Variants in METTL15 observed in about 807,000 individuals in gnomAD.
The protein encoded by METTL15 is methyltransferase 15, mitochondrial 12S rRNA N4-cytidine.
Under a neutral mutation model 38.3 loss-of-function variants are expected in METTL15, and 34 were observed. The observed-to-expected ratio is 0.89, with a 90% CI of 0.68 to 1.18. The LOEUF is 1.18. Among genes scored for constraint, METTL15 ranks in the 50% most tolerant of loss-of-function variants. The pLI, the probability that METTL15 is intolerant of heterozygous loss-of-function variation, is 0.00. For missense variants in METTL15, 438 were observed against 498.4 expected, an observed-to-expected ratio of 0.88 and a Z score of 1.15; for synonymous variants, 162 against 170.9, an observed-to-expected ratio of 0.95 and a Z score of 0.41.
At chr11:28,375,583 G>T (rs1259658431) in intron 5 of METTL15, among the ~76,000 whole-genome samples, 1 of 151,974 alleles carries the variant, frequency 6.6e-6, no homozygotes, top group East Asian at 1.9e-4. Flanking sequence ...CTTGCTGGCA[G>T]TCTATCAATT....
At chr11:28,226,606 G>A (rs1853488857) in intron 4 of METTL15, among the ~76,000 whole-genome samples, 1 of 151,842 alleles carries the variant, frequency 6.6e-6, no homozygotes, top group Non-Finnish European at 1.5e-5. Flanking sequence ...GGAAGCCAGA[G>A]CAATGGCAAG....
intron 3 of METTL15, among the ~76,000 whole-genome samples, chr11:28,174,134 T>TG (rs886927318): frequency 2.6e-5 from 4 of 152,030 alleles, no homozygotes; most frequent in African/African-American, 9.7e-5. Context: ...TCATTGGGGG[T>TG]GGAATATCTA....
At chr11:28,111,760 T>C (rs1290123919) in intron 2 of METTL15, among the ~76,000 whole-genome samples, 1 of 152,214 alleles carries the variant, frequency 6.6e-6, no homozygotes, top group Non-Finnish European at 1.5e-5. Flanking sequence ...AGGTAGCGCA[T>C]GTAGTGTGGT....
At chr11:28,185,991 G>T (rs901116439) in intron 3 of METTL15, among the ~76,000 whole-genome samples, 6 of 150,702 alleles carry the variant, frequency 4.0e-5, no homozygotes, top group African/African-American at 1.5e-4. Flanking sequence ...TATGAGTCCT[G>T]TTTAGCAATG....
chr11:28,495,194 G>C (rs149028504), intron 6 of METTL15, among the ~76,000 whole-genome samples: 1 of 152,152 alleles, frequency 6.6e-6, no homozygotes, highest in East Asian at 1.9e-4. Context: ...CATAGAGACA[G>C]CCAAGTAACA....
intron 3 of METTL15, among the ~76,000 whole-genome samples, chr11:28,202,228 T>A (rs1590149302): frequency 1.3e-5 from 2 of 151,988 alleles, no homozygotes; most frequent in Admixed American, 1.3e-4. Flanking sequence ...GGTGGAAATA[T>A]TCAAGACATG....
chr11:28,179,622 A>G (rs577832178), intron 3 of METTL15, among the ~76,000 whole-genome samples: 1 of 151,898 alleles, frequency 6.6e-6, no homozygotes, highest in African/African-American at 2.4e-5. Flanking sequence ...TTAAAATTGC[A>G]GTAATCTATT....
At chr11:28,247,592 A>G (rs1198411775) in intron 4 of METTL15, among the ~76,000 whole-genome samples, 2 of 152,136 alleles carry the variant, frequency 1.3e-5, no homozygotes, top group Non-Finnish European at 2.9e-5. Flanking sequence ...GCTTTATGTA[A>G]GTTCAAAACC....
At chr11:28,307,780 A>G (rs1857134862) in intron 6 of METTL15, among the ~76,000 whole-genome samples, 1 of 152,004 alleles carries the variant, frequency 6.6e-6, no homozygotes, top group Non-Finnish European at 1.5e-5. Context: ...AGATGAAGAC[A>G]AAGGTTTTAC....
chr11:28,236,889 G>T (rs1477796921), intron 4 of METTL15, among the ~76,000 whole-genome samples: 1 of 152,100 alleles, frequency 6.6e-6, no homozygotes, highest in African/African-American at 2.4e-5. Context: ...ATGAAATTCT[G>T]GGTTGAAAAT....
chr11:28,332,287 T>A lies in METTL15; in HGVS notation c.*1446T>A, dbSNP rs1161807214. Reference sequence around the variant, plus strand: ...AACAAGAGAATGCACCTAGGTTAATTCCCTGAATCCTACTTGAACATTGTA... The same window carrying A: ...AACAAGAGAATGCACCTAGGTTAATACCCTGAATCCTACTTGAACATTGTA... On this transcript the variant is annotated 3_prime_UTR_variant, in exon 7 of 7. Transcript: ENST00000407364. The A allele has an allele frequency of 6.6e-6, 1 of 152,198 alleles. No individual in the cohort carries two copies. The highest frequency in any genetic ancestry group is 1.5e-5 in the Non-Finnish European group (1 of 68,026). 9.4% of individuals were successfully genotyped at this position (152,198 alleles called of 1,614,324 possible).
At chr11:28,313,474 T>C (rs1175598198) in intron 6 of METTL15, among the ~76,000 whole-genome samples, 1 of 151,956 alleles carries the variant, frequency 6.6e-6, no homozygotes, top group East Asian at 1.9e-4. Context: ...TTCAAGTTTA[T>C]AAAGTACAGG....
At chr11:28,498,487 G>T (rs959586105) in intron 6 of METTL15, among the ~76,000 whole-genome samples, 1 of 152,146 alleles carries the variant, frequency 6.6e-6, no homozygotes, top group Non-Finnish European at 1.5e-5. Flanking sequence ...GGATCTAACA[G>T]AGAAGCTCAA....
intron 4 of METTL15, among the ~76,000 whole-genome samples, chr11:28,268,196 C>CAAAAAAA (rs71050954): frequency 1.9e-4 from 12 of 64,100 alleles, no homozygotes; most frequent in South Asian, 8.2e-4. Flanking sequence ...GACTCCGTCT[C>CAAAAAAA]AAAAAAAAAA....
chr11:28,382,392 G>A (rs567214556), intron 5 of METTL15, among the ~76,000 whole-genome samples: 45 of 152,218 alleles, frequency 3.0e-4, no homozygotes, highest in African/African-American at 8.2e-4. Context: ...TAGGTGAGGC[G>A]AGGCAGGTAT....
intron 3 of METTL15, among the ~76,000 whole-genome samples, chr11:28,147,145 T>G (rs562652892): frequency 3.9e-4 from 60 of 152,020 alleles, no homozygotes; most frequent in South Asian, 8.3e-4. Context: ...TTTCAGGCAC[T>G]TTATATATAT....
intron 4 of METTL15, among the ~76,000 whole-genome samples, chr11:28,221,860 G>T (rs1357215610): frequency 6.6e-6 from 1 of 152,170 alleles, no homozygotes; most frequent in East Asian, 1.9e-4. Flanking sequence ...GGTGGCTGTA[G>T]AACAGCAAAT....
At chr11:28,365,405 G>A (rs961555952) in intron 5 of METTL15, among the ~76,000 whole-genome samples, 12 of 152,096 alleles carry the variant, frequency 7.9e-5, no homozygotes, top group Non-Finnish European at 1.3e-4. Flanking sequence ...AATCTTAGGA[G>A]GTTGTGTTTC....
At chr11:28,316,456 A>T (rs1351015265) in intron 6 of METTL15, among the ~76,000 whole-genome samples, 2 of 152,200 alleles carry the variant, frequency 1.3e-5, no homozygotes, top group African/African-American at 4.8e-5. Context: ...TTTTGATTTT[A>T]CAGTCTCATA....
Sources: gnomAD v4.1 joint callset for allele counts (sites outside exome capture counted in the v4.1 genomes callset) on GRCh38, gnomAD v4.1.1 for gene constraint, MANE v1.5 for transcripts, NCBI Gene and HGNC (gene_info 2026-07-23, HGNC 2026-07-21) for gene names.